The following EPN2 variants were observed in gnomAD, a reference collection of about 807,000 sequenced individuals.
The protein encoded by EPN2 is epsin-2.
A neutral mutation model predicts 61.7 loss-of-function variants in EPN2; 34 were observed. That is an observed-to-expected ratio of 0.55 (90% CI 0.42 to 0.73). EPN2 has a LOEUF of 0.73. Among genes scored for constraint, EPN2 ranks in the 30% least tolerant of loss-of-function variants. EPN2 has a pLI of 0.00. For missense variants in EPN2, 714 were observed against 839.2 expected (o/e 0.85, Z 1.84); for synonymous variants, 349 against 353.6 (o/e 0.99, Z 0.15).
At chr17:19,310,539 CTTTTCTTTTCTT>C (rs1318667319) in intron 5 of EPN2, among the ~76,000 whole-genome samples, 5 of 126,516 alleles carry the variant, frequency 4.0e-5, no homozygotes, top group South Asian at 2.6e-4. Flanking sequence ...TTTCTTTTCT[CTTTTCTTTTCTT>C]TCTCTCTTTC....
chr17:19,292,651 C>T (rs1021737583), intron 4 of EPN2, among the ~76,000 whole-genome samples: 6 of 152,220 alleles, frequency 3.9e-5, no homozygotes, highest in South Asian at 2.1e-4. Context: ...AAAAGATGCT[C>T]GTTCTTGCCA....
chr17:19,239,416 T>G (rs2044858042), intron 1 of EPN2, among the ~76,000 whole-genome samples: 1 of 152,210 alleles, frequency 6.6e-6, no homozygotes, highest in Non-Finnish European at 1.5e-5. Flanking sequence ...CCTCCCAAAG[T>G]GCTGGGATTA....
intron 4 of EPN2, chr17:19,305,956 G>C (rs917510771): frequency 1.3e-5 from 2 of 152,186 alleles, no homozygotes; most frequent in Non-Finnish European, 2.9e-5. Context: ...TACAGTTCTT[G>C]ACCACAGCAA....
intron 1 of EPN2, among the ~76,000 whole-genome samples, chr17:19,267,134 C>T (rs1231471024): frequency 1.3e-5 from 2 of 151,828 alleles, no homozygotes; most frequent in East Asian, 2.0e-4. Flanking sequence ...CCACTGCGCC[C>T]GGCCTAAATG....
In EPN2 at chr17:19,283,758, AATGG is replaced by A; in HGVS notation, c.595+45_595+48del. 3 of 1,419,484 alleles carry A rather than the reference AATGG, an allele frequency of 2.1e-6. No homozygotes were observed. The East Asian group carries it at 7.2e-5, about 34-fold the overall frequency. 87.9% of individuals were successfully genotyped at this position (1,419,484 alleles called of 1,614,324 possible). On this transcript the variant is annotated intron_variant, in intron 3 of 10. Coordinates refer to ENST00000314728, the MANE Select transcript of EPN2 (RefSeq NM_014964.5). The surrounding 1 kb of genome is among the most constrained non-coding windows in gnomAD (Gnocchi z 7.0). ...TCTCACCCTTTGCCAGAGCAGCAGCAATGGGTGACAGGCAGGGTGGGTGTCTCTG... is the reference window on the plus strand; with the variant it reads ...TCTCACCCTTTGCCAGAGCAGCAGCAGTGACAGGCAGGGTGGGTGTCTCTG...
At chr17:19,254,029 G>C (rs34958652) in intron 1 of EPN2, among the ~76,000 whole-genome samples, 1 of 152,014 alleles carries the variant, frequency 6.6e-6, no homozygotes, top group African/African-American at 2.4e-5. Context: ...CTACTCAGGA[G>C]GCTGAGGCAG....
intron 1 of EPN2, among the ~76,000 whole-genome samples, chr17:19,260,239 G>C (rs1468761213): frequency 6.6e-6 from 1 of 152,226 alleles, no homozygotes; most frequent in East Asian, 1.9e-4. Context: ...ACACAGGGCT[G>C]TGCTGGATTT....
At chr17:19,256,454 A>G (rs2045080864) in intron 1 of EPN2, among the ~76,000 whole-genome samples, 1 of 151,668 alleles carries the variant, frequency 6.6e-6, no homozygotes, top group African/African-American at 2.4e-5. Context: ...TTCCTTAACA[A>G]TTTGGATGTG....
intron 1 of EPN2, among the ~76,000 whole-genome samples, chr17:19,239,509 C>G (rs2044859022): frequency 6.6e-6 from 1 of 152,134 alleles, no homozygotes; most frequent in African/African-American, 2.4e-5. Context: ...ATTTATTTCC[C>G]TGGTTTTAAA....
At chr17:19,280,632 C>T (rs1339115621) in intron 1 of EPN2, among the ~76,000 whole-genome samples, 2 of 152,216 alleles carry the variant, frequency 1.3e-5, no homozygotes. Flanking sequence ...ATGAGCTGTC[C>T]CCTTTTTGTG....
intron 4 of EPN2, among the ~76,000 whole-genome samples, chr17:19,289,744 T>TTTTTTTTTA (rs2045444404): frequency 6.9e-6 from 1 of 143,940 alleles, no homozygotes; most frequent in African/African-American, 2.7e-5. Context: ...TTTTTTTTTT[T>TTTTTTTTTA]GAGATGGAGT....
chr17:19,328,271 G>A (rs1030419768), intron 7 of EPN2, among the ~76,000 whole-genome samples: 22 of 152,158 alleles, frequency 1.4e-4, no homozygotes, highest in Admixed American at 1.4e-3. Flanking sequence ...ATGCCTCTGT[G>A]CCTCTACAGA....
chr17:19,239,148 T>C lies in EPN2; in HGVS notation c.-294+1617T>C, dbSNP rs150234342. ...GGGGAAGCGCACCTAAACTTTTAAATTTTTTATTTATTTATTTTTTTGAGA... is the reference window on the plus strand; with the variant it reads ...GGGGAAGCGCACCTAAACTTTTAAACTTTTTATTTATTTATTTTTTTGAGA... On this transcript the variant is annotated intron_variant, in intron 1 of 10. Coordinates refer to ENST00000314728, the MANE Select transcript of EPN2 (RefSeq NM_014964.5). 3.5e-3 allele frequency among the ~76,000 whole-genome samples: 530 copies of C among 152,362 alleles called. 3 individuals carry two copies. The highest frequency in any genetic ancestry group is 0.012 in the African/African-American group (517 of 41,576).
At position 19,289,131 on chromosome 17, in the gene EPN2, C is replaced by T. The variant is rs1179263943; in HGVS notation, c.766+3341C>T. On this transcript the variant is annotated intron_variant, in intron 4 of 10. Transcript: ENST00000314728. ...ACAGAATCTTGCACTGTCACCCAGGCTGGAGTGCAGTGGCACGATCTCCGC... is the reference window on the plus strand; with the variant it reads ...ACAGAATCTTGCACTGTCACCCAGGTTGGAGTGCAGTGGCACGATCTCCGC... Among the ~76,000 whole-genome samples the T allele has an allele frequency of 2.3e-4, 30 of 128,652 alleles. 1 individual carries two copies. The highest frequency in any genetic ancestry group is 8.7e-4 in the African/African-American group (28 of 32,362). The allele number at this position is 128,652 out of a possible 152,430, so 84.4% of individuals were successfully genotyped here.
chr17:19,326,800 G>A (rs1204224051), intron 7 of EPN2, among the ~76,000 whole-genome samples: 2 of 151,928 alleles, frequency 1.3e-5, no homozygotes, highest in East Asian at 1.9e-4. Context: ...ACCATGCTGC[G>A]AGGAGTGGAT....
intron 1 of EPN2, among the ~76,000 whole-genome samples, chr17:19,240,032 A>C (rs1052814183): frequency 1.3e-5 from 2 of 152,030 alleles, no homozygotes; most frequent in African/African-American, 2.4e-5. Flanking sequence ...TTCGGTTGTG[A>C]ACTGAAGTAC....
chr17:19,268,274 A>G (rs2045220057), intron 1 of EPN2, among the ~76,000 whole-genome samples: 2 of 152,152 alleles, frequency 1.3e-5, no homozygotes, highest in Admixed American at 1.3e-4. Context: ...GCTTGTTCAG[A>G]TCCCCTGTAG....
intron 1 of EPN2, 80 bp downstream of exon 1, chr17:19,237,611 C>T (rs943061605): frequency 6.6e-6 from 1 of 152,220 alleles, no homozygotes; most frequent in Non-Finnish European, 1.5e-5. Context: ...GGCGCGGACG[C>T]CCCCAGAGCA....
chr17:19,308,754 G>A (rs1015531599), intron 4 of EPN2: 137 of 823,848 alleles, frequency 1.7e-4, no homozygotes, highest in Non-Finnish European at 1.9e-4. Context: ...TCCTGAAACG[G>A]GGGCAGAGGT....
Sources: gnomAD v4.1 joint callset for allele counts (sites outside exome capture counted in the v4.1 genomes callset) on GRCh38, gnomAD v4.1.1 for gene constraint, Gnocchi (gnomAD v3.1) non-coding constraint, MANE v1.5 for transcripts, NCBI Gene and HGNC (gene_info 2026-07-23, HGNC 2026-07-21) for gene names.